DNM3: variants seen among roughly 807,000 people sequenced by gnomAD.
The protein encoded by DNM3 is dynamin-3.
In DNM3, 47 loss-of-function variants were observed where a neutral mutation model predicts 101.6. That is an observed-to-expected ratio of 0.46 (90% CI 0.37 to 0.59). The LOEUF is 0.59. Ranked by LOEUF, DNM3 falls within the 20% of genes least tolerant of loss-of-function variation. The probability of loss-of-function intolerance (pLI) is 0.00; values close to 1 mark genes in which losing one functional copy is unlikely to be tolerated. For missense variants in DNM3, 849 were observed against 1,085.7 expected (o/e 0.78, Z 3.06); for synonymous variants, 385 against 387.9 (o/e 0.99, Z 0.09).
At chr1:172,133,425 T>C in intron 14 of DNM3, 2 of 985,756 alleles carry the variant, frequency 2.0e-6, no homozygotes, top group Non-Finnish European at 2.4e-6. Context: ...CTCTGTGTGC[T>C]GTGTATAACC....
At chr1:171,885,280 C>G (rs1009715104) in intron 1 of DNM3, among the ~76,000 whole-genome samples, 1 of 152,046 alleles carries the variant, frequency 6.6e-6, no homozygotes, top group Non-Finnish European at 1.5e-5. Context: ...AGCAAAACAT[C>G]AAAACATCAA....
intron 14 of DNM3, among the ~76,000 whole-genome samples, chr1:172,239,262 T>C (rs1304020408): frequency 6.6e-6 from 1 of 152,202 alleles, no homozygotes; most frequent in Non-Finnish European, 1.5e-5. Context: ...TTTCTATTTT[T>C]CCCTCACAGT....
intron 20 of DNM3, among the ~76,000 whole-genome samples, chr1:172,392,906 A>G (rs2069649954): frequency 6.6e-6 from 1 of 152,234 alleles, no homozygotes. Context: ...TCAAAATGAC[A>G]TAAACACAAT....
At chr1:172,150,951 C>A (rs2058103271) in intron 14 of DNM3, among the ~76,000 whole-genome samples, 1 of 152,104 alleles carries the variant, frequency 6.6e-6, no homozygotes, top group Non-Finnish European at 1.5e-5. Context: ...ACCTTTCTCA[C>A]CCTTGAGTTT....
Position 171,916,419 on chromosome 1 carries a change from C to T in DNM3, c.162-5329C>T, listed in dbSNP as rs559498434. Among the ~76,000 whole-genome samples, 38 of 152,226 alleles carry T rather than the reference C, an allele frequency of 2.5e-4. No individual in the cohort carries two copies. In the South Asian group the frequency reaches 7.7e-3, roughly 31 times the overall value. On this transcript the variant is annotated intron_variant, in intron 1 of 20. Transcript: ENST00000627582. Reference sequence around the variant, plus strand: ...TATTTCCTGTCCTGGTTAGTGATACCATTGTTCAACCAGCTACCCAAACCA... The same window carrying T: ...TATTTCCTGTCCTGGTTAGTGATACTATTGTTCAACCAGCTACCCAAACCA...
rs755342315 is a variant in DNM3 at position 171,889,369 on chromosome 1, T to C, written c.162-32379T>C. The stretch of plus-strand genomic sequence containing the variant: ...ACGACAACAACAAAAAACCATGGAC[T>C]ATATTTATATATTCTCTAGCCATAA... On this transcript the variant is annotated intron_variant, in intron 1 of 20. Transcript: ENST00000627582. 2.6e-5 allele frequency among the ~76,000 whole-genome samples: 4 copies of C among 152,256 alleles called. No homozygotes were observed. In the East Asian group the frequency reaches 7.7e-4, roughly 29 times the overall value.
intron 2 of DNM3, among the ~76,000 whole-genome samples, chr1:171,944,994 G>A (rs540807166): frequency 6.7e-6 from 1 of 150,214 alleles, no homozygotes; most frequent in East Asian, 2.0e-4. Context: ...CTCCCAAGTA[G>A]CTGGAACCAT....
At chr1:171,965,803 T>A (rs1371098476) in intron 2 of DNM3, among the ~76,000 whole-genome samples, 2 of 152,270 alleles carry the variant, frequency 1.3e-5, no homozygotes, top group East Asian at 3.9e-4. Flanking sequence ...TGGCCATTGG[T>A]GATCTATATT....
intron 14 of DNM3, among the ~76,000 whole-genome samples, chr1:172,227,646 C>G (rs2061184233): frequency 6.6e-6 from 1 of 152,060 alleles, no homozygotes; most frequent in Admixed American, 6.6e-5. Flanking sequence ...GGTGGTATCT[C>G]ATTGTGGTTT....
At chr1:172,081,425 A>G (rs1055630783) in intron 11 of DNM3, among the ~76,000 whole-genome samples, 3 of 152,222 alleles carry the variant, frequency 2.0e-5, no homozygotes, top group Non-Finnish European at 2.9e-5. Flanking sequence ...ATTTGTGGCT[A>G]ATATATGATG....
intron 14 of DNM3, among the ~76,000 whole-genome samples, chr1:172,195,505 C>T (rs1371980699): frequency 6.6e-6 from 1 of 151,834 alleles, no homozygotes; most frequent in Non-Finnish European, 1.5e-5. Flanking sequence ...TCTTCCTCAT[C>T]TCATGGTACA....
At chr1:172,036,355 A>G (rs2048964145) in intron 6 of DNM3, among the ~76,000 whole-genome samples, 1 of 151,802 alleles carries the variant, frequency 6.6e-6, no homozygotes, top group Admixed American at 6.6e-5. Flanking sequence ...TTATGGCTGC[A>G]TAGTATTCCA....
intron 3 of DNM3, among the ~76,000 whole-genome samples, chr1:171,988,124 CT>C (rs1182225835): frequency 2.0e-5 from 3 of 152,094 alleles, no homozygotes; most frequent in African/African-American, 7.2e-5. Flanking sequence ...GTACATGTTA[CT>C]ATGGTTGCAT....
chr1:172,278,230 A>G (rs537216546), intron 15 of DNM3, among the ~76,000 whole-genome samples: 103 of 152,202 alleles, frequency 6.8e-4, no homozygotes, highest in African/African-American at 2.4e-3. Flanking sequence ...CCCAAAGTCA[A>G]TATTTCAAGT....
At chr1:171,943,445 C>T (rs2041951304) in intron 2 of DNM3, among the ~76,000 whole-genome samples, 1 of 152,172 alleles carries the variant, frequency 6.6e-6, no homozygotes, top group African/African-American at 2.4e-5. Context: ...GAAATATTTA[C>T]AATCTATTAT....
At chr1:171,957,199 C>CTTTTTT (rs377678762) in intron 2 of DNM3, among the ~76,000 whole-genome samples, 2 of 138,342 alleles carry the variant, frequency 1.4e-5, no homozygotes, top group Non-Finnish European at 3.1e-5. Flanking sequence ...TTCTTTCTTT[C>CTTTTTT]TTTTTTTTTT....
intron 2 of DNM3, among the ~76,000 whole-genome samples, chr1:171,954,237 T>C (rs1250906901): frequency 2.6e-5 from 4 of 152,226 alleles, no homozygotes; most frequent in Non-Finnish European, 2.9e-5. Context: ...ACTTTGCATG[T>C]ATTATCATAG....
chr1:171,952,007 A>T (rs1207558389), intron 2 of DNM3, among the ~76,000 whole-genome samples: 1 of 152,190 alleles, frequency 6.6e-6, no homozygotes, highest in Non-Finnish European at 1.5e-5. Context: ...GTGATTGGCA[A>T]TCAGTTGAAA....
chr1:172,185,472 G>GGT (rs2059490791), intron 14 of DNM3, among the ~76,000 whole-genome samples: 1 of 151,976 alleles, frequency 6.6e-6, no homozygotes, highest in Non-Finnish European at 1.5e-5. Flanking sequence ...ATTGTGGGTG[G>GGT]GGTGCATTTG....
Sources: allele counts gnomAD v4.1 joint callset (sites outside exome capture counted in the v4.1 genomes callset), GRCh38; gene constraint gnomAD v4.1.1; transcripts MANE v1.5; gene names NCBI Gene and HGNC (gene_info 2026-07-23, HGNC 2026-07-21).